CIMIP5: variants seen among roughly 807,000 people sequenced by gnomAD.
CIMIP5 encodes the protein ciliary microtubule inner protein 5, also known as uncharacterized protein C2orf50.
At chr2:11,135,492 G>A in the CIMIP5 span, among the ~76,000 whole-genome samples, 1 of 152,104 alleles carries the variant, frequency 6.6e-6, no homozygotes, top group Admixed American at 6.6e-5. Flanking sequence ...GTGAAGTGGT[G>A]TGATCTCGGC....
At chr2:11,143,824 A>G in the CIMIP5 span, 1 of 1,099,110 alleles carries the variant, frequency 9.1e-7, no homozygotes, top group Non-Finnish European at 1.2e-6. Context: ...GAGATGCTTC[A>G]CAAAGAGAGG....
the CIMIP5 span, among the ~76,000 whole-genome samples, chr2:11,151,732 T>C: frequency 0.15 from 22,923 of 152,296 alleles, 2,416 homozygotes; most frequent in Non-Finnish European, 0.21. Context: ...GCCTCCTGGA[T>C]TCAAGTGATT....
the CIMIP5 span, among the ~76,000 whole-genome samples, chr2:11,141,438 T>C: frequency 5.3e-5 from 8 of 152,022 alleles, 1 homozygote; most frequent in Admixed American, 6.5e-5. Flanking sequence ...CCCACAACAC[T>C]CTTTTATCTA....
chr2:11,142,339 G>A, the CIMIP5 span, among the ~76,000 whole-genome samples: 2 of 152,054 alleles, frequency 1.3e-5, no homozygotes, highest in Admixed American at 1.3e-4. Flanking sequence ...GTCACTCGAG[G>A]GGGTGGCCAT....
chr2:11,137,020 A>G, the CIMIP5 span, among the ~76,000 whole-genome samples: 488 of 152,358 alleles, frequency 3.2e-3, 1 homozygote, highest in Non-Finnish European at 5.6e-3. Flanking sequence ...GTGCTGCCCA[A>G]CGGAAATACA....
At chr2:11,138,703 A>T in the CIMIP5 span, among the ~76,000 whole-genome samples, 1 of 151,712 alleles carries the variant, frequency 6.6e-6, no homozygotes, top group Admixed American at 6.6e-5. Context: ...GTGAGTTCTC[A>T]CCAGATCTGG....
At chr2:11,133,386 C>G in the CIMIP5 span, 1 of 1,612,442 alleles carries the variant, frequency 6.2e-7, no homozygotes, top group Non-Finnish European at 8.5e-7. Flanking sequence ...AGCTGGGTAC[C>G]GATTGCCCCC....
chr2:11,140,397 AAT>A, the CIMIP5 span: 3 of 580,446 alleles, frequency 5.2e-6, no homozygotes, highest in Admixed American at 3.6e-5. Context: ...AAAAAAAAAA[AAT>A]TATTTAGTTC....
At chr2:11,146,131 G>A in the CIMIP5 span, 1 of 152,200 alleles carries the variant, frequency 6.6e-6, no homozygotes, top group Non-Finnish European at 1.5e-5. Context: ...TGACTGCTCT[G>A]TCTTTGATGC....
chr2:11,139,219 A>G, the CIMIP5 span, among the ~76,000 whole-genome samples: 1 of 152,094 alleles, frequency 6.6e-6, no homozygotes, highest in Non-Finnish European at 1.5e-5. Context: ...CACCTGTCCT[A>G]CACCTTCTTT....
chr2:11,138,132 C>T, the CIMIP5 span, among the ~76,000 whole-genome samples: 1 of 152,220 alleles, frequency 6.6e-6, no homozygotes, highest in Non-Finnish European at 1.5e-5. Flanking sequence ...GCGTGAGCCA[C>T]CGCGCCTGGC....
the CIMIP5 span, among the ~76,000 whole-genome samples, chr2:11,143,370 T>C: frequency 2.6e-5 from 4 of 151,534 alleles, no homozygotes; most frequent in Admixed American, 2.6e-4. Flanking sequence ...AGCTAATGCG[T>C]GGCATTAGAG....
At chr2:11,133,432 G>C in the CIMIP5 span, 1 of 1,610,498 alleles carries the variant, frequency 6.2e-7, no homozygotes, top group Non-Finnish European at 8.5e-7. Context: ...CCAGCTGCCC[G>C]GGGTGGCCCT....
At chr2:11,140,401 ATTTAG>A in the CIMIP5 span, 4 of 539,986 alleles carry the variant, frequency 7.4e-6, no homozygotes, top group Admixed American at 3.6e-5. Context: ...AAAAAAAATT[ATTTAG>A]TTCTTCCACG....
the CIMIP5 span, chr2:11,143,870 G>C: frequency 6.9e-7 from 1 of 1,448,236 alleles, no homozygotes; most frequent in Admixed American, 2.3e-5. Context: ...CCATTCTAAG[G>C]TCCTCCTTTT....
At chr2:11,154,039 C>T in the CIMIP5 span, among the ~76,000 whole-genome samples, 5 of 152,080 alleles carry the variant, frequency 3.3e-5, no homozygotes, top group East Asian at 3.9e-4. Context: ...TGAAGTGGCG[C>T]GATCTCGACT....
At chr2:11,142,565 G>C in the CIMIP5 span, among the ~76,000 whole-genome samples, 3 of 152,158 alleles carry the variant, frequency 2.0e-5, no homozygotes, top group Non-Finnish European at 4.4e-5. Flanking sequence ...ATGGCCAAAG[G>C]GTGGAGCCAC....
the CIMIP5 span, among the ~76,000 whole-genome samples, chr2:11,153,273 G>A: frequency 1.4e-4 from 22 of 152,328 alleles, no homozygotes; most frequent in African/African-American, 5.3e-4. Context: ...TCCTGGGCCA[G>A]GAGCAGCATT....
the CIMIP5 span, among the ~76,000 whole-genome samples, chr2:11,139,309 A>C: frequency 6.6e-6 from 1 of 152,230 alleles, no homozygotes; most frequent in Non-Finnish European, 1.5e-5. Flanking sequence ...TTATTTCAAA[A>C]TATGGATGCA....
Sources: gnomAD v4.1 joint callset for allele counts (sites outside exome capture counted in the v4.1 genomes callset) on GRCh38, gnomAD v4.1.1 for gene constraint, MANE v1.5 for transcripts, NCBI Gene and HGNC (gene_info 2026-07-23, HGNC 2026-07-21) for gene names.